VPS33A: variants seen among roughly 807,000 people sequenced by gnomAD.
The protein encoded by VPS33A is VPS33A core subunit of CORVET and HOPS complexes, also known as vacuolar protein sorting-associated protein 33A.
VPS33A carries 32 observed loss-of-function variants against 71.8 expected under a neutral mutation model. The observed-to-expected ratio is 0.45, with a 90% CI of 0.34 to 0.60. VPS33A has a LOEUF of 0.60. Among genes scored for constraint, VPS33A ranks in the 20% least tolerant of loss-of-function variants. VPS33A has a pLI of 0.02. For missense variants in VPS33A, 625 were observed against 748.5 expected, an observed-to-expected ratio of 0.84 and a Z score of 1.92; for synonymous variants, 311 against 292.7, an observed-to-expected ratio of 1.06 and a Z score of -0.64.
At chr12:122,260,453 C>T (rs569191330) in intron 4 of VPS33A, among the ~76,000 whole-genome samples, 1 of 152,118 alleles carries the variant, frequency 6.6e-6, no homozygotes, top group African/African-American at 2.4e-5. Context: ...GGACCCACCA[C>T]CACACCCGGT....
At chr12:122,249,054 A>T (rs1349725307) in intron 6 of VPS33A, 1 of 151,912 alleles carries the variant, frequency 6.6e-6, no homozygotes. Context: ...TGATTATTCC[A>T]CCTCCAGTTA....
chr12:122,235,456 G>C (rs1296443300), intron 11 of VPS33A, among the ~76,000 whole-genome samples: 1 of 151,850 alleles, frequency 6.6e-6, no homozygotes, highest in Non-Finnish European at 1.5e-5. Context: ...GTAGAGATGG[G>C]GTTTCCCATG....
In VPS33A at chr12:122,238,690, T is replaced by G. The variant is rs576248840; in HGVS notation, c.1199A>C (p.Lys400Thr). Residue 400 changes from lysine (K) to threonine (T), a missense_variant, in exon 10 of 13, where the codon AAG (lysine) becomes ACG (threonine). By Grantham distance (78) the Lys-to-Thr change is moderately conservative (BLOSUM62 -1). Coordinates refer to ENST00000267199, the MANE Select transcript of VPS33A (RefSeq NM_022916.6). ...TCTTAACACCTTGATCAACGAGTGC[T>G]TTTGGGCGATACAATCCTCAATGTA... The part of the protein sequence containing the change: ...NNYIEDCIAQ[K>T]HSLIKVLRLV... 5.6e-6 allele frequency: 9 copies of G among 1,613,782 alleles called. No homozygotes were observed. Among genetic ancestry groups the G allele is most frequent in the Non-Finnish European group, 7.6e-6 (9 of 1,179,952 alleles).
chr12:122,261,460 C>G lies in VPS33A; in HGVS notation c.297-13G>C, dbSNP rs1954994554. 1.2e-6 allele frequency: 2 copies of G among 1,612,162 alleles called. No homozygotes were observed. Among genetic ancestry groups the G allele is most frequent in the South Asian group, 2.2e-5 (2 of 90,822 alleles). ...TCGTCTATCTTCACTGCAAAGGAAG[C>G]AACATTTGTTAGCTTATGAGCTCCT... On this transcript the variant is annotated splice_polypyrimidine_tract_variant and intron_variant, in intron 3 of 12. Coordinates refer to ENST00000267199, the MANE Select transcript of VPS33A (RefSeq NM_022916.6).
chr12:122,238,665 T>C lies in VPS33A; in HGVS notation c.1224A>G (p.Arg408=), dbSNP rs770339734. The C allele has an allele frequency of 2.4e-5, 39 of 1,613,818 alleles. No homozygotes were observed. In the African/African-American group the frequency reaches 4.9e-4, roughly 20 times the overall value. ...TACACACGGATTGGAGGCAAACTAG[T>C]CTTAACACCTTGATCAACGAGTGCT... The part of the protein sequence containing the change: ...AQKHSLIKVL[R]LVCLQSVCNS... Residue 408 remains arginine (R), a synonymous_variant, in exon 10 of 13, where the codon AGA becomes AGG. Coordinates refer to ENST00000267199, the MANE Select transcript of VPS33A (RefSeq NM_022916.6).
chr12:122,237,379 C>T (rs1370917876), intron 10 of VPS33A, among the ~76,000 whole-genome samples: 2 of 152,136 alleles, frequency 1.3e-5, no homozygotes, highest in African/African-American at 2.4e-5. Context: ...GTTACCTAAA[C>T]TAGTCTGTGC....
At chr12:122,240,314 C>T (rs1431108333) in intron 8 of VPS33A, among the ~76,000 whole-genome samples, 1 of 151,992 alleles carries the variant, frequency 6.6e-6, no homozygotes, top group African/African-American at 2.4e-5. Flanking sequence ...GGCAACAGAG[C>T]GAGACTCTGT....
At chr12:122,236,554 C>T (rs1593194498) in intron 10 of VPS33A, among the ~76,000 whole-genome samples, 2 of 152,300 alleles carry the variant, frequency 1.3e-5, no homozygotes, top group East Asian at 1.9e-4. Flanking sequence ...GCAGGAGAAT[C>T]GCTTGAACCC....
chr12:122,247,115 TG>T (rs780674064), intron 6 of VPS33A, among the ~76,000 whole-genome samples: 1 of 152,202 alleles, frequency 6.6e-6, no homozygotes, highest in Non-Finnish European at 1.5e-5. Flanking sequence ...ACAGGGCTGT[TG>T]GGGTAAGGTT....
chr12:122,254,612 T>C (rs1157074569), intron 4 of VPS33A, among the ~76,000 whole-genome samples: 1 of 152,084 alleles, frequency 6.6e-6, no homozygotes, highest in South Asian at 2.1e-4. Flanking sequence ...AGTTTTGCTA[T>C]GTTGCCCAGC....
At chr12:122,249,677 G>A in intron 6 of VPS33A, 194 bp downstream of exon 6, 1 of 436,872 alleles carries the variant, frequency 2.3e-6, no homozygotes. Context: ...GGTTTTCTTT[G>A]GCCAAGGGTT....
At chr12:122,233,185 C>T (rs1040004494) in intron 11 of VPS33A, among the ~76,000 whole-genome samples, 3 of 151,832 alleles carry the variant, frequency 2.0e-5, no homozygotes, top group Non-Finnish European at 4.4e-5. Flanking sequence ...CTCAAAGCAG[C>T]TCTAGGTACA....
intron 10 of VPS33A, among the ~76,000 whole-genome samples, chr12:122,236,364 G>A (rs1954629536): frequency 6.6e-6 from 1 of 152,156 alleles, no homozygotes; most frequent in Non-Finnish European, 1.5e-5. Context: ...CAAGGTCTGG[G>A]CATGCTGGCT....
intron 4 of VPS33A, among the ~76,000 whole-genome samples, chr12:122,251,779 T>G (rs1592923629): frequency 3.4e-5 from 5 of 146,004 alleles, no homozygotes; most frequent in African/African-American, 5.1e-5. Context: ...TGTCGTGGGG[T>G]GGGGGAAGGG....
In VPS33A at chr12:122,232,915, C is replaced by T; in HGVS notation, c.1494G>A (p.Arg498=). ...CAGGCCGGGAAAGCAGCTGGGCCAGCCGCACACTGAGCGGGGCATACCCAC... is the reference window on the plus strand; with the variant it reads ...CAGGCCGGGAAAGCAGCTGGGCCAGTCGCACACTGAGCGGGGCATACCCAC... The part of the protein sequence containing the change: ...VYSGYAPLSV[R]LAQLLSRPGW... The change falls in exon 12 of 13, where the codon CGG becomes CGA. Residue 498 remains arginine (R), a synonymous_variant. Coordinates refer to ENST00000267199, the MANE Select transcript of VPS33A (RefSeq NM_022916.6). 1 of 1,614,050 alleles carries T rather than the reference C, an allele frequency of 6.2e-7. No homozygotes were observed. The highest frequency in any genetic ancestry group is 8.5e-7 in the Non-Finnish European group (1 of 1,180,010).
At position 122,235,826 on chromosome 12, in the gene VPS33A, C is replaced by T. The variant is rs770334632; in HGVS notation, c.1400G>A (p.Arg467Gln). The change falls in exon 11 of 13, where the codon CGG becomes CAG. Residue 467 changes from arginine (R) to glutamine (Q), a missense_variant. Arg to Gln is a conservative substitution (Grantham distance 43, BLOSUM62 1). Transcript: ENST00000267199. ...ATCCATCCAGAGGCGTAATGTTTTC[C>T]GTATAGTTGGGTAATTGTTTCTGCC... is the stretch of plus-strand genomic sequence containing the variant. ...TGGRNNYPTIRKTLRLWMDDV... is the reference protein window; with the variant it reads ...TGGRNNYPTIQKTLRLWMDDV... 15 of 1,613,436 alleles carry T rather than the reference C, an allele frequency of 9.3e-6. No homozygotes were observed. The South Asian group carries it at 1.2e-4, about 13-fold the overall frequency.
At chr12:122,236,130 C>T (rs780425112) in intron 10 of VPS33A, among the ~76,000 whole-genome samples, 2 of 152,108 alleles carry the variant, frequency 1.3e-5, no homozygotes, top group South Asian at 4.1e-4. Context: ...TAATTCAGCT[C>T]ACTGTTTCAA....
intron 4 of VPS33A, chr12:122,253,676 G>C (rs1234409493): frequency 6.5e-6 from 1 of 153,794 alleles, no homozygotes; most frequent in Non-Finnish European, 1.5e-5. Context: ...AGATGTAAAA[G>C]TTAACAACAG....
At chr12:122,245,923 C>G (rs929477062) in intron 6 of VPS33A, among the ~76,000 whole-genome samples, 17 of 152,176 alleles carry the variant, frequency 1.1e-4, no homozygotes, top group Admixed American at 8.5e-4. Flanking sequence ...ATAGAAAAAG[C>G]TGTACACCCT....
Sources: gnomAD v4.1 joint callset for allele counts (sites outside exome capture counted in the v4.1 genomes callset) on GRCh38, gnomAD v4.1.1 for gene constraint, MANE v1.5 for transcripts, NCBI Gene and HGNC (gene_info 2026-07-23, HGNC 2026-07-21) for gene names.